EPB41L4A: variants seen among roughly 807,000 people sequenced by gnomAD.
EPB41L4A encodes the protein erythrocyte membrane protein band 4.1 like 4A.
Under a neutral mutation model 108.6 loss-of-function variants are expected in EPB41L4A, and 100 were observed. The ratio of observed to expected loss-of-function variants is 0.92; its 90% CI spans 0.78 to 1.09. The LOEUF (loss-of-function observed/expected upper bound fraction) is 1.09, where lower values mean the gene tolerates loss of function less well. Among genes scored for constraint, EPB41L4A ranks in the 50% least tolerant of loss-of-function variants. EPB41L4A has a pLI of 0.00. For missense variants in EPB41L4A, 1,030 were observed against 842.7 expected (o/e 1.22, Z -2.75); for synonymous variants, 319 against 289.0 (o/e 1.10, Z -1.05).
At chr5:112,219,096 C>T (rs1747856345) in intron 12 of EPB41L4A, among the ~76,000 whole-genome samples, 1 of 152,178 alleles carries the variant, frequency 6.6e-6, no homozygotes, top group Admixed American at 6.5e-5. Context: ...TTCAATTCTA[C>T]TTCACCTACA....
chr5:112,265,103 C>T, intron 5 of EPB41L4A, 87 bp from the exon 6 acceptor site: 1 of 1,203,470 alleles, frequency 8.3e-7, no homozygotes, highest in South Asian at 1.9e-5. Context: ...CATGCTTAAA[C>T]ATTTTTTCAA....
At chr5:112,300,221 T>C (rs1282319338) in intron 2 of EPB41L4A, among the ~76,000 whole-genome samples, 1 of 145,360 alleles carries the variant, frequency 6.9e-6, no homozygotes, top group Non-Finnish European at 1.5e-5. Context: ...TTTTTCTTAA[T>C]TATATTTTTG....
At chr5:112,152,500 T>C (rs749714779) in intron 12 of EPB41L4A, among the ~76,000 whole-genome samples, 2 of 152,194 alleles carry the variant, frequency 1.3e-5, no homozygotes, top group Non-Finnish European at 2.9e-5. Flanking sequence ...ATAAAAAGGC[T>C]TGAGGGAGCC....
At chr5:112,166,403 C>G (rs1174888439) in intron 22 of EPB41L4A, among the ~76,000 whole-genome samples, 1 of 152,204 alleles carries the variant, frequency 6.6e-6, no homozygotes, top group Non-Finnish European at 1.5e-5. Context: ...CCTGTGTTAT[C>G]TGCCTTTCCC....
chr5:112,400,487 T>G (rs1433967128), intron 1 of EPB41L4A, among the ~76,000 whole-genome samples: 2 of 152,110 alleles, frequency 1.3e-5, no homozygotes. Context: ...GAGCTTTTAC[T>G]GATGGTGGAA....
intron 2 of EPB41L4A, among the ~76,000 whole-genome samples, chr5:112,291,010 C>G (rs1030054437): frequency 2.6e-5 from 4 of 152,156 alleles, no homozygotes; most frequent in African/African-American, 9.7e-5. Context: ...CTTTAAAAAC[C>G]TAGAGACTCC....
chr5:112,336,270 C>A (rs1305109987), intron 1 of EPB41L4A, among the ~76,000 whole-genome samples: 1 of 152,152 alleles, frequency 6.6e-6, no homozygotes, highest in African/African-American at 2.4e-5. Context: ...GGAAATTGAA[C>A]CTGCATCGAC....
intron 12 of EPB41L4A, among the ~76,000 whole-genome samples, chr5:112,217,469 C>A (rs1398499086): frequency 6.6e-6 from 1 of 152,104 alleles, no homozygotes; most frequent in Non-Finnish European, 1.5e-5. Flanking sequence ...GAAGACAATG[C>A]AGGAGGGTCG....
intron 11 of EPB41L4A, among the ~76,000 whole-genome samples, chr5:112,238,022 T>A (rs1749478525): frequency 6.6e-6 from 1 of 152,174 alleles, no homozygotes; most frequent in South Asian, 2.1e-4. Context: ...GCCACAACAT[T>A]TGCATTTCAA....
chr5:112,273,246 T>C (rs1406964722), intron 4 of EPB41L4A, among the ~76,000 whole-genome samples: 1 of 152,238 alleles, frequency 6.6e-6, no homozygotes, highest in Non-Finnish European at 1.5e-5. Context: ...GGACACTAAT[T>C]GCAAGCCATC....
At chr5:112,418,249 C>G (rs1249222220) in intron 1 of EPB41L4A, among the ~76,000 whole-genome samples, 1 of 152,230 alleles carries the variant, frequency 6.6e-6, no homozygotes, top group East Asian at 1.9e-4. Context: ...TACGTACCTT[C>G]TCATCCAATG....
At chr5:112,272,781 CAAAA>C (rs35621227) in intron 4 of EPB41L4A, among the ~76,000 whole-genome samples, 3 of 90,512 alleles carry the variant, frequency 3.3e-5, no homozygotes, top group Non-Finnish European at 6.1e-5. Context: ...AACTCCGTCT[CAAAA>C]AAAAAAAAAA....
chr5:112,303,119 T>A (rs1754471156), intron 2 of EPB41L4A, among the ~76,000 whole-genome samples: 1 of 152,206 alleles, frequency 6.6e-6, no homozygotes, highest in Admixed American at 6.5e-5. Flanking sequence ...TTCCTTTCTT[T>A]GCAACAGGAC....
chr5:112,176,603 A>C (rs763753253), intron 18 of EPB41L4A, among the ~76,000 whole-genome samples: 9 of 151,972 alleles, frequency 5.9e-5, no homozygotes, highest in Non-Finnish European at 1.3e-4. Flanking sequence ...CAAAATGTAT[A>C]TTCATCTACT....
At chr5:112,341,738 C>G (rs1038656214) in intron 1 of EPB41L4A, among the ~76,000 whole-genome samples, 2 of 148,122 alleles carry the variant, frequency 1.4e-5, no homozygotes, top group East Asian at 2.0e-4. Context: ...ATGGCAAAAC[C>G]CTGTCACTAT....
chr5:112,257,932 CTTATA>C (rs1290001728), intron 9 of EPB41L4A, among the ~76,000 whole-genome samples: 1 of 152,192 alleles, frequency 6.6e-6, no homozygotes, highest in Admixed American at 6.5e-5. Context: ...TTAATTCAGT[CTTATA>C]TTATAATGCA....
intron 3 of EPB41L4A, 106 bp from the exon 4 acceptor site, chr5:112,275,510 G>GATA: frequency 1.6e-6 from 2 of 1,286,576 alleles, no homozygotes; most frequent in Non-Finnish European, 2.1e-6. Flanking sequence ...ATTGTCTAAA[G>GATA]AAACAAGAAA....
chr5:112,243,977 T>C (rs1750013296), intron 9 of EPB41L4A, among the ~76,000 whole-genome samples: 1 of 152,242 alleles, frequency 6.6e-6, no homozygotes, highest in Non-Finnish European at 1.5e-5. Flanking sequence ...TCAAGAATTT[T>C]TTCTTTGCAT....
intron 4 of EPB41L4A, among the ~76,000 whole-genome samples, chr5:112,273,011 C>T (rs1210773393): frequency 3.3e-5 from 5 of 152,072 alleles, no homozygotes; most frequent in African/African-American, 1.2e-4. Flanking sequence ...AAAATGCTGG[C>T]AGAAGTATGC....
Sources: gnomAD v4.1 joint callset for allele counts (sites outside exome capture counted in the v4.1 genomes callset) on GRCh38, gnomAD v4.1.1 for gene constraint, MANE v1.5 for transcripts, NCBI Gene and HGNC (gene_info 2026-07-23, HGNC 2026-07-21) for gene names.